Variants in LAMB1 observed in about 807,000 individuals in gnomAD.
LAMB1 encodes laminin subunit beta 1, also known as laminin subunit beta-1.
A neutral mutation model predicts 222.3 loss-of-function variants in LAMB1; 121 were observed. The ratio of observed to expected loss-of-function variants is 0.54; its 90% CI spans 0.47 to 0.63. The LOEUF is 0.63. Ranked by LOEUF, LAMB1 falls within the 30% of genes least tolerant of loss-of-function variation. The pLI is 0.00. For synonymous variants in LAMB1, 794 were observed against 807.2 expected, an observed-to-expected ratio of 0.98 and a Z score of 0.28; for missense variants, 2,172 against 2,240.8, an observed-to-expected ratio of 0.97 and a Z score of 0.62.
Position 108,002,870 on chromosome 7 carries a change from A to C in LAMB1, c.16T>G (p.Leu6Val), listed in dbSNP as rs377407841. The C allele has an allele frequency of 1.9e-5, 31 of 1,614,034 alleles. No homozygotes were observed. The highest frequency in any genetic ancestry group is 2.6e-5 in the Non-Finnish European group (31 of 1,180,024). Residue 6 changes from leucine to valine, a missense_variant, in exon 2 of 34, where the codon TTG becomes GTG. Physicochemically the swap from Leu to Val is conservative, Grantham distance 32 (BLOSUM62 1). Transcript: ENST00000222399. The part of the protein sequence containing the change: MGLLQ[L>V]LAFSFLALCR... ...TTACCTAAGAAACTGAAAGCTAGCA[A>C]CTGGAGAAGCCCCATGCCGGCTCCC...
chr7:107,951,943 G>A, intron 23 of LAMB1, 66 bp downstream of exon 23: 2 of 1,390,662 alleles, frequency 1.4e-6, no homozygotes, highest in South Asian at 2.7e-5. Flanking sequence ...GCTCTAACTG[G>A]GGCAAAGTCA....
intron 14 of LAMB1, among the ~76,000 whole-genome samples, chr7:107,963,358 A>C (rs533175404): frequency 6.6e-6 from 1 of 152,348 alleles, no homozygotes; most frequent in South Asian, 2.1e-4. Context: ...AAGAAAAAAG[A>C]GAACATCCCA....
intron 30 of LAMB1, 39 bp from the exon 31 acceptor site, chr7:107,929,244 C>A: frequency 6.2e-7 from 1 of 1,609,052 alleles, no homozygotes. Flanking sequence ...TGTTGCTGAA[C>A]ATGAAAAAAG....
At chr7:107,932,053 A>T in intron 28 of LAMB1, 121 bp downstream of exon 28, 1 of 885,140 alleles carries the variant, frequency 1.1e-6, no homozygotes, top group Non-Finnish European at 1.8e-6. Context: ...TTCATATTTG[A>T]TTGTGATATG....
At chr7:107,936,554 C>G (rs1395265996) in intron 26 of LAMB1, among the ~76,000 whole-genome samples, 1 of 152,192 alleles carries the variant, frequency 6.6e-6, no homozygotes, top group Non-Finnish European at 1.5e-5. Flanking sequence ...TTATATATAA[C>G]AGCATGACAT....
Position 107,975,790 on chromosome 7 carries a change from T to C in LAMB1, c.1088A>G (p.Asp363Gly). 6.2e-7 allele frequency: 1 copy of C among 1,613,970 alleles called. No individual in the cohort carries two copies. Among genetic ancestry groups the C allele is most frequent in the Non-Finnish European group, 8.5e-7 (1 of 1,179,968 alleles). The change falls in exon 10 of 34, where the codon GAT becomes GGT. Residue 363 changes from aspartate (D) to glycine (G), a missense_variant. Physicochemically the swap from Asp to Gly is moderately conservative, Grantham distance 94. Coordinates refer to ENST00000222399, the MANE Select transcript of LAMB1 (RefSeq NM_002291.3). ...ATGNVSGGVC[D>G]DCQHNTMGRN... is the part of the protein sequence containing the mutation. ...CCCCATGGTGTTGTGCTGACAGTCA[T>C]CACACACGCCTCCGCTGACGTTCCC...
rs2032504923 is a variant in LAMB1 at position 107,924,191 on chromosome 7, AAAGT to A, written c.5224+35_5224+38del. ...CTTTTAAATAAACTATGGATGCCTT[AAAGT>A]AATTTAAAAAATAAGCCTGTGTGAA... On this transcript the variant is annotated intron_variant, in intron 33 of 33. Coordinates refer to ENST00000222399, the MANE Select transcript of LAMB1 (RefSeq NM_002291.3). 5 of 1,568,404 alleles carry A rather than the reference AAAGT, an allele frequency of 3.2e-6. No homozygotes were observed. The South Asian group carries it at 4.8e-5, about 15-fold the overall frequency.
rs780057144 is a variant in LAMB1 at position 107,955,542 on chromosome 7, G to A, written c.2779C>T (p.Arg927Cys). 32 of 1,613,924 alleles carry A rather than the reference G, an allele frequency of 2.0e-5. No individual in the cohort carries two copies. Among genetic ancestry groups the A allele is most frequent in the Middle Eastern group, 1.6e-4 (1 of 6,084 alleles). Residue 927 changes from arginine (R) to cysteine (C), a missense_variant, in exon 21 of 34, where the codon CGC becomes TGC. Arg to Cys is a radical substitution (Grantham distance 180). Transcript: ENST00000222399. ...CPCPDGPDSG[R>C]QFARSCYQDP... ...TGGTAGCAGCTCCTGGCAAACTGGCGTCCACTGTCGGGACCATCTGGGCAA... is the reference window on the plus strand; with the variant it reads ...TGGTAGCAGCTCCTGGCAAACTGGCATCCACTGTCGGGACCATCTGGGCAA...
chr7:108,001,436 C>G, intron 3 of LAMB1, 122 bp downstream of exon 3: 1 of 1,130,232 alleles, frequency 8.8e-7, no homozygotes. Flanking sequence ...TCCCGGGACT[C>G]CCCGGCTGGC....
At chr7:107,970,505 A>AG (rs34610492) in intron 13 of LAMB1, among the ~76,000 whole-genome samples, 40,347 of 107,730 alleles carry the variant, frequency 0.37, 7,530 homozygotes, top group East Asian at 0.63. Context: ...AAAAAAAAAA[A>AG]GGGGGGGGTG....
intron 7 of LAMB1, 61 bp downstream of exon 7, chr7:107,985,957 CAAAA>C: frequency 7.5e-7 from 1 of 1,334,856 alleles, no homozygotes; most frequent in Non-Finnish European, 1.1e-6. Context: ...AACTCTGTCT[CAAAA>C]AACAAAACAA....
At chr7:107,956,445 T>TG (rs756306810) in intron 20 of LAMB1, among the ~76,000 whole-genome samples, 1 of 152,184 alleles carries the variant, frequency 6.6e-6, no homozygotes, top group Non-Finnish European at 1.5e-5. Context: ...GGATCCTACT[T>TG]GCAGGACCAC....
rs537528103 is a variant in LAMB1 at position 107,946,784 on chromosome 7, A to G, written c.3391+4442T>C. On this transcript the variant is annotated intron_variant, in intron 24 of 33. Transcript: ENST00000222399. ...TGTGAAAGAAATCCCAACATTAGAA[A>G]ATACAGGCATTCTAAAGATTAATGT... Among the ~76,000 whole-genome samples the G allele has an allele frequency of 3.3e-5, 5 of 152,360 alleles. No homozygotes were observed. In the South Asian group the frequency reaches 1.0e-3, roughly 32 times the overall value.
Position 107,986,258 on chromosome 7 carries a change from T to C in LAMB1, c.529A>G (p.Ile177Val). ...AYDCEASFPG[I>V]STGPMKKVDD... Reference sequence around the variant, plus strand: ...ACTTTTTTCATGGGGCCAGTTGAAATGCCTGGAAACGAGGCCTCACAGTCA... The same window carrying C: ...ACTTTTTTCATGGGGCCAGTTGAAACGCCTGGAAACGAGGCCTCACAGTCA... The change falls in exon 6 of 34, where the codon ATT becomes GTT. Residue 177 changes from isoleucine to valine, a missense_variant. Coordinates refer to ENST00000222399, the MANE Select transcript of LAMB1 (RefSeq NM_002291.3). The C allele has an allele frequency of 2.5e-6, 4 of 1,614,190 alleles. No individual in the cohort carries two copies. The highest frequency in any genetic ancestry group is 3.4e-6 in the Non-Finnish European group (4 of 1,180,028).
intron 30 of LAMB1, 99 bp from the exon 31 acceptor site, chr7:107,929,304 G>A (rs940576493): frequency 4.6e-6 from 7 of 1,517,188 alleles, no homozygotes; most frequent in Non-Finnish European, 6.4e-6. Context: ...AAATGACCCA[G>A]AGAGACTCGC....
intron 31 of LAMB1, 43 bp from the exon 32 acceptor site, chr7:107,926,402 A>G: frequency 1.3e-6 from 2 of 1,551,460 alleles, no homozygotes; most frequent in Non-Finnish European, 1.8e-6. Context: ...AGTTTAAGAA[A>G]TGGAATTACT....
Position 107,975,765 on chromosome 7 carries a change from C to T in LAMB1, c.1113G>A (p.Gly371=). The change falls in exon 10 of 34, where the codon GGG becomes GGA. Residue 371 remains glycine (G), a synonymous_variant. Transcript: ENST00000222399. ...VCDDCQHNTM[G]RNCEQCKPFY... ...ACGGCTTGCACTGCTCACAGTTGCG[C>T]CCCATGGTGTTGTGCTGACAGTCAT... 6.2e-7 allele frequency: 1 copy of T among 1,614,004 alleles called. No individual in the cohort carries two copies. Among genetic ancestry groups the T allele is most frequent in the Non-Finnish European group, 8.5e-7 (1 of 1,180,006 alleles).
chr7:107,991,417 G>A (rs575562252), intron 5 of LAMB1, among the ~76,000 whole-genome samples: 13 of 152,114 alleles, frequency 8.5e-5, no homozygotes, highest in Non-Finnish European at 5.9e-5. Flanking sequence ...GTGAAGCCCC[G>A]TCTCTACTAA....
chr7:107,962,990 A>T lies in LAMB1; in HGVS notation c.1772T>A (p.Val591Glu). Residue 591 changes from valine to glutamate, a missense_variant, in exon 15 of 34, where the codon GTG (valine) becomes GAG (glutamate). Coordinates refer to ENST00000222399, the MANE Select transcript of LAMB1 (RefSeq NM_002291.3). ...PSWTGAGFVRVPEGAYLEFFI... is the reference protein window; with the variant it reads ...PSWTGAGFVREPEGAYLEFFI... ...AAACTCCAAATAAGCCCCTTCAGGC[A>T]CTCGGACGAAGCCGGCTCCAGTCCA... 1.9e-6 allele frequency: 3 copies of T among 1,613,998 alleles called. No individual in the cohort carries two copies. The highest frequency in any genetic ancestry group is 1.7e-5 in the Admixed American group (1 of 59,994).
Sources: gnomAD v4.1 joint callset for allele counts (sites outside exome capture counted in the v4.1 genomes callset) on GRCh38, gnomAD v4.1.1 for gene constraint, MANE v1.5 for transcripts, NCBI Gene and HGNC (gene_info 2026-07-23, HGNC 2026-07-21) for gene names.